Variants in RIMS1 observed in about 807,000 individuals in gnomAD.
RIMS1 encodes regulating synaptic membrane exocytosis protein 1.
Under a neutral mutation model 214.1 loss-of-function variants are expected in RIMS1, and 83 were observed. That is an observed-to-expected ratio of 0.39 (90% confidence interval 0.32 to 0.47). RIMS1 has a LOEUF of 0.47. Ranked by LOEUF, RIMS1 falls within the 20% of genes least tolerant of loss-of-function variation. RIMS1 has a pLI of 0.99. For synonymous variants in RIMS1, 793 were observed against 786.8 expected (o/e 1.01, Z -0.13); for missense variants, 2,050 against 2,161.8 (o/e 0.95, Z 1.03).
At chr6:71,953,890 CCAAACAGA>C (rs1561958943) in intron 1 of RIMS1, among the ~76,000 whole-genome samples, 1 of 152,160 alleles carries the variant, frequency 6.6e-6, no homozygotes, top group Non-Finnish European at 1.5e-5. Context: ...TTCTCCCCAG[CCAAACAGA>C]CTGAATTAAA....
Position 71,952,083 on chromosome 6 carries a change from C to G in RIMS1, c.165-16900C>G, listed in dbSNP as rs1358016394. Reference sequence around the variant, plus strand: ...CCATCATGCATGGGCAGGCCTGACCCTGACTTACAATGTCTAATGTACAGT... The same window carrying G: ...CCATCATGCATGGGCAGGCCTGACCGTGACTTACAATGTCTAATGTACAGT... On this transcript the variant is annotated intron_variant, in intron 1 of 33. Coordinates refer to ENST00000521978, the MANE Select transcript of RIMS1 (RefSeq NM_014989.7). 2.6e-5 allele frequency among the ~76,000 whole-genome samples: 4 copies of G among 152,126 alleles called. No homozygotes were observed. The East Asian group carries it at 7.7e-4, about 29-fold the overall frequency.
At chr6:72,145,402 C>A (rs1194608745) in intron 4 of RIMS1, among the ~76,000 whole-genome samples, 1 of 152,058 alleles carries the variant, frequency 6.6e-6, no homozygotes, top group Non-Finnish European at 1.5e-5. Flanking sequence ...TCCACAAGGC[C>A]AACAGATCAA....
chr6:72,120,089 T>C (rs1230641349), intron 4 of RIMS1, among the ~76,000 whole-genome samples: 1 of 151,948 alleles, frequency 6.6e-6, no homozygotes, highest in Admixed American at 6.6e-5. Context: ...GTCTTTACTA[T>C]TGTGAATAGT....
At chr6:72,127,402 G>A (rs527272091) in intron 4 of RIMS1, among the ~76,000 whole-genome samples, 1 of 151,962 alleles carries the variant, frequency 6.6e-6, no homozygotes, top group Non-Finnish European at 1.5e-5. Context: ...ACTGTGCAGT[G>A]TACATAAAGT....
chr6:72,271,341 G>C (rs910384896), intron 22 of RIMS1, among the ~76,000 whole-genome samples: 4 of 138,950 alleles, frequency 2.9e-5, no homozygotes, highest in Non-Finnish European at 6.2e-5. Flanking sequence ...GTGAAATTTA[G>C]TTTAAAATAA....
At chr6:71,978,824 A>G (rs1797782359) in intron 2 of RIMS1, among the ~76,000 whole-genome samples, 1 of 152,142 alleles carries the variant, frequency 6.6e-6, no homozygotes. Flanking sequence ...TTCTATTGAT[A>G]TTAGAAAAAA....
At chr6:71,974,036 T>C (rs752651586) in intron 2 of RIMS1, among the ~76,000 whole-genome samples, 1 of 152,004 alleles carries the variant, frequency 6.6e-6, no homozygotes, top group Admixed American at 6.6e-5. Context: ...AGTGGGCAAA[T>C]CACATATCTT....
At chr6:72,146,790 A>G (rs2042821252) in intron 4 of RIMS1, among the ~76,000 whole-genome samples, 1 of 152,244 alleles carries the variant, frequency 6.6e-6, no homozygotes, top group South Asian at 2.1e-4. Context: ...AACACATTTT[A>G]CTTTCCTTAC....
In RIMS1 at chr6:72,174,125, C is replaced by T. The variant is rs112443794; in HGVS notation, c.472-5450C>T. Among the ~76,000 whole-genome samples, 333 of 152,326 alleles carry T rather than the reference C, an allele frequency of 2.2e-3. 3 individuals carry two copies. Among genetic ancestry groups the T allele is most frequent in the African/African-American group, 6.4e-3 (267 of 41,582 alleles). ...TCCGTTCTTGGTTACGGCCCTCCTC[C>T]ATCTGTGATTTGAGCTACAGCTTCC... On this transcript the variant is annotated intron_variant, in intron 4 of 33. Coordinates refer to ENST00000521978, the MANE Select transcript of RIMS1 (RefSeq NM_014989.7).
At chr6:72,048,626 G>C (rs893648422) in intron 2 of RIMS1, among the ~76,000 whole-genome samples, 1 of 152,198 alleles carries the variant, frequency 6.6e-6, no homozygotes. Flanking sequence ...GGACCTGGTG[G>C]ATGAGGTGTT....
intron 1 of RIMS1, among the ~76,000 whole-genome samples, chr6:71,955,079 AT>A (rs1053014484): frequency 8.6e-5 from 13 of 152,034 alleles, no homozygotes; most frequent in South Asian, 6.2e-4. Flanking sequence ...ATATGCCATG[AT>A]TTTTTTTAGT....
At chr6:72,183,216 T>TA in intron 6 of RIMS1, 67 bp downstream of exon 6, 1 of 1,511,148 alleles carries the variant, frequency 6.6e-7, no homozygotes, top group Non-Finnish European at 8.9e-7. Flanking sequence ...GAGGTGCAGG[T>TA]GCTAGGCTAG....
chr6:72,218,758 C>A (rs1436814809), intron 6 of RIMS1, among the ~76,000 whole-genome samples: 1 of 151,828 alleles, frequency 6.6e-6, no homozygotes, highest in Non-Finnish European at 1.5e-5. Context: ...ACATGAGAGA[C>A]GAAAGAAAAA....
chr6:72,207,659 C>T (rs567253025), intron 6 of RIMS1, among the ~76,000 whole-genome samples: 53 of 152,012 alleles, frequency 3.5e-4, no homozygotes, highest in Non-Finnish European at 6.6e-4. Flanking sequence ...AAACTGTCAA[C>T]ATATCAAAGG....
chr6:72,222,893 T>C lies in RIMS1; in HGVS notation c.1679-10880T>C, dbSNP rs138652864. ...GTTCATGCACTCCTTAACACAATTATGTTCATAGAGCTACACACAGTATCA... is the reference window on the plus strand; with the variant it reads ...GTTCATGCACTCCTTAACACAATTACGTTCATAGAGCTACACACAGTATCA... On this transcript the variant is annotated intron_variant, in intron 6 of 33. Coordinates refer to ENST00000521978, the MANE Select transcript of RIMS1 (RefSeq NM_014989.7). Among the ~76,000 whole-genome samples, 370 of 152,344 alleles carry C rather than the reference T, an allele frequency of 2.4e-3. 4 individuals are homozygous for C. Among genetic ancestry groups the C allele is most frequent in the East Asian group, 5.0e-3 (26 of 5,190 alleles).
At chr6:71,953,266 G>T (rs1216448566) in intron 1 of RIMS1, among the ~76,000 whole-genome samples, 1 of 152,080 alleles carries the variant, frequency 6.6e-6, no homozygotes, top group Non-Finnish European at 1.5e-5. Flanking sequence ...TGGAATTACA[G>T]GTGTGAGCCA....
intron 10 of RIMS1, among the ~76,000 whole-genome samples, chr6:72,244,303 T>C (rs139741244): frequency 2.0e-5 from 3 of 151,944 alleles, no homozygotes; most frequent in African/African-American, 7.2e-5. Context: ...AGAATTCCAC[T>C]GGATATGTAA....
chr6:72,303,245 A>G (rs2094811847), intron 26 of RIMS1, among the ~76,000 whole-genome samples: 1 of 150,782 alleles, frequency 6.6e-6, no homozygotes, highest in Admixed American at 6.6e-5. Flanking sequence ...TGGATTAGGG[A>G]AGATTTATTA....
intron 33 of RIMS1, among the ~76,000 whole-genome samples, chr6:72,400,000 TAA>T (rs1240989940): frequency 5.9e-5 from 9 of 152,148 alleles, no homozygotes; most frequent in African/African-American, 1.9e-4. Context: ...ACCCCTTCAC[TAA>T]AAAGACCATA....
Sources: allele counts gnomAD v4.1 joint callset (sites outside exome capture counted in the v4.1 genomes callset), GRCh38; gene constraint gnomAD v4.1.1; transcripts MANE v1.5; gene names NCBI Gene and HGNC (gene_info 2026-07-23, HGNC 2026-07-21).